The following CSMD1 variants were observed in gnomAD, a reference collection of about 807,000 sequenced individuals.
CSMD1 encodes the protein CUB and Sushi multiple domains 1, also known as CUB and sushi domain-containing protein 1.
In CSMD1, 213 loss-of-function variants were observed where a neutral mutation model predicts 417.5. The ratio of observed to expected loss-of-function variants is 0.51; its 90% CI spans 0.46 to 0.57. The LOEUF (loss-of-function observed/expected upper bound fraction) is 0.57. Among genes scored for constraint, CSMD1 ranks in the 20% least tolerant of loss-of-function variants. The probability of loss-of-function intolerance (pLI) is 0.00; values close to 1 mark genes in which losing one functional copy is unlikely to be tolerated. For synonymous variants in CSMD1, 2,862 were observed against 1,736.8 expected, an observed-to-expected ratio of 1.65 and a Z score of -16.11; for missense variants, 6,923 against 4,529.7, an observed-to-expected ratio of 1.53 and a Z score of -15.17.
At chr8:4,426,400 T>A (rs1016789058) in intron 2 of CSMD1, among the ~76,000 whole-genome samples, 1 of 149,310 alleles carries the variant, frequency 6.7e-6, no homozygotes, top group Admixed American at 6.7e-5. Context: ...GTAAACCTTT[T>A]TATATACTAT....
intron 3 of CSMD1, among the ~76,000 whole-genome samples, chr8:4,404,223 A>G (rs1250763174): frequency 4.6e-5 from 7 of 152,004 alleles, no homozygotes; most frequent in Admixed American, 4.6e-4. Flanking sequence ...CTTCCCTACT[A>G]TTTTATATTA....
intron 41 of CSMD1, among the ~76,000 whole-genome samples, chr8:3,137,885 G>C (rs1818199959): frequency 6.6e-6 from 1 of 152,142 alleles, no homozygotes; most frequent in Non-Finnish European, 1.5e-5. Context: ...ATTTTAAAAA[G>C]TCCCAGGGTA....
chr8:4,758,538 C>T (rs1340216215), intron 1 of CSMD1, among the ~76,000 whole-genome samples: 1 of 152,098 alleles, frequency 6.6e-6, no homozygotes, highest in Non-Finnish European at 1.5e-5. Flanking sequence ...TAGTGAGAGG[C>T]AGAAACGTCA....
intron 1 of CSMD1, among the ~76,000 whole-genome samples, chr8:4,929,754 G>GGTTATTACAAGCCACA (rs1807118974): frequency 6.6e-6 from 1 of 152,094 alleles, no homozygotes; most frequent in South Asian, 2.1e-4. Flanking sequence ...CCTAAGCCAT[G>GGTTATTACAAGCCACA]GTTATTATAA....
intron 1 of CSMD1, among the ~76,000 whole-genome samples, chr8:4,744,366 G>A (rs375387069): frequency 2.2e-3 from 332 of 152,254 alleles, no homozygotes; most frequent in Non-Finnish European, 3.4e-3. Flanking sequence ...CCATTTCAGT[G>A]TTTCGTATTG....
chr8:3,308,463 G>T lies in CSMD1; in HGVS notation c.3672C>A (p.Asn1224Lys), dbSNP rs138221720. ...LVKCEDPGIP[N>K]YGYRIRDEGH... Reference sequence around the variant, plus strand: ...CTTCATCACGGATCCTATAGCCGTAGTTAGGGATGCCCGGATCCTCACATT... The same window carrying T: ...CTTCATCACGGATCCTATAGCCGTATTTAGGGATGCCCGGATCCTCACATT... Residue 1224 changes from asparagine to lysine, a missense_variant, in exon 24 of 70, where the codon AAC becomes AAA. Physicochemically the swap from Asn to Lys is moderately conservative, Grantham distance 94. Transcript: ENST00000635120. 2.5e-6 allele frequency: 4 copies of T among 1,613,592 alleles called. No individual in the cohort carries two copies. Among genetic ancestry groups the T allele is most frequent in the South Asian group, 1.1e-5 (1 of 91,036 alleles).
At chr8:4,802,720 C>T (rs1346525799) in intron 1 of CSMD1, among the ~76,000 whole-genome samples, 1 of 152,072 alleles carries the variant, frequency 6.6e-6, no homozygotes, top group African/African-American at 2.4e-5. Flanking sequence ...ATATTATCTT[C>T]CAAAGAGAAT....
intron 5 of CSMD1, among the ~76,000 whole-genome samples, chr8:3,869,779 C>G (rs941688408): frequency 3.3e-5 from 5 of 152,070 alleles, no homozygotes; most frequent in African/African-American, 9.7e-5. Flanking sequence ...GGTTTGATGT[C>G]AGGGAAGGCA....
intron 18 of CSMD1, among the ~76,000 whole-genome samples, chr8:3,385,106 AT>A (rs1810920211): frequency 1.1e-5 from 1 of 90,560 alleles, no homozygotes; most frequent in Non-Finnish European, 2.2e-5. Flanking sequence ...ATATATATAA[AT>A]AAAAATATAT....
chr8:4,891,103 C>G (rs537596546), intron 1 of CSMD1, among the ~76,000 whole-genome samples: 36 of 152,234 alleles, frequency 2.4e-4, no homozygotes, highest in African/African-American at 8.4e-4. Context: ...TTGGAACTAG[C>G]AAAGCCTTCC....
chr8:3,860,849 C>A (rs574935792), intron 5 of CSMD1, among the ~76,000 whole-genome samples: 1 of 152,148 alleles, frequency 6.6e-6, no homozygotes, highest in African/African-American at 2.4e-5. Flanking sequence ...GAAAAATATA[C>A]AATCATGAAA....
chr8:4,070,486 T>G (rs1012871625), intron 3 of CSMD1, among the ~76,000 whole-genome samples: 4 of 151,968 alleles, frequency 2.6e-5, no homozygotes, highest in Admixed American at 6.6e-5. Flanking sequence ...GCCTCCCGAG[T>G]AGCTGGGACT....
chr8:4,980,460 A>G (rs1337014646), intron 1 of CSMD1, among the ~76,000 whole-genome samples: 1 of 152,212 alleles, frequency 6.6e-6, no homozygotes, highest in Non-Finnish European at 1.5e-5. Context: ...GGCTTTCAAG[A>G]GGCCTGTGGG....
chr8:4,976,581 T>G (rs1046714065), intron 1 of CSMD1, among the ~76,000 whole-genome samples: 2 of 152,224 alleles, frequency 1.3e-5, no homozygotes, highest in Non-Finnish European at 2.9e-5. Context: ...ATGTCCAAAA[T>G]AATGCAACAA....
chr8:3,940,520 T>C (rs1810807378), intron 5 of CSMD1, among the ~76,000 whole-genome samples: 1 of 151,236 alleles, frequency 6.6e-6, no homozygotes, highest in Non-Finnish European at 1.5e-5. Context: ...TGTGTGTGTG[T>C]GTGTGTGTGT....
At chr8:4,132,522 G>T (rs1585385706) in intron 3 of CSMD1, among the ~76,000 whole-genome samples, 1 of 152,084 alleles carries the variant, frequency 6.6e-6, no homozygotes, top group South Asian at 2.1e-4. Flanking sequence ...CCCTGTTTCT[G>T]GGTATAATTT....
At chr8:4,015,616 A>G (rs1481761353) in intron 4 of CSMD1, among the ~76,000 whole-genome samples, 1 of 151,510 alleles carries the variant, frequency 6.6e-6, no homozygotes, top group Non-Finnish European at 1.5e-5. Context: ...TTCAGTCTCC[A>G]AGAAATACAA....
intron 10 of CSMD1, among the ~76,000 whole-genome samples, chr8:3,505,429 A>G (rs1796783446): frequency 1.3e-5 from 2 of 152,370 alleles, no homozygotes; most frequent in Admixed American, 6.5e-5. Flanking sequence ...AGAATCAATA[A>G]TTAGAAAAAT....
At chr8:4,584,963 A>C (rs939353671) in intron 2 of CSMD1, among the ~76,000 whole-genome samples, 7 of 152,148 alleles carry the variant, frequency 4.6e-5, no homozygotes, top group Non-Finnish European at 1.0e-4. Context: ...CCAGAAACAA[A>C]ATAAATGGTC....
Sources: gnomAD v4.1 joint callset for allele counts (sites outside exome capture counted in the v4.1 genomes callset) on GRCh38, gnomAD v4.1.1 for gene constraint, MANE v1.5 for transcripts, NCBI Gene and HGNC (gene_info 2026-07-23, HGNC 2026-07-21) for gene names.